CCSER2: variants seen among roughly 807,000 people sequenced by gnomAD.
CCSER2 encodes the protein serine-rich coiled-coil domain-containing protein 2.
In CCSER2, 46 loss-of-function variants were observed where a neutral mutation model predicts 92.3. The ratio of observed to expected loss-of-function variants is 0.50; its 90% CI spans 0.39 to 0.64. The LOEUF (loss-of-function observed/expected upper bound fraction) is 0.64. CCSER2 is among the 30% of genes least tolerant of loss of function. The probability of loss-of-function intolerance (pLI) is 0.00; values close to 1 mark genes in which losing one functional copy is unlikely to be tolerated. For synonymous variants in CCSER2, 433 were observed against 431.4 expected (o/e 1.00, Z -0.04); for missense variants, 1,244 against 1,238.9 (o/e 1.00, Z -0.06).
intron 9 of CCSER2, among the ~76,000 whole-genome samples, chr10:84,493,185 T>G (rs574843714): frequency 1.3e-5 from 2 of 152,302 alleles, no homozygotes; most frequent in South Asian, 4.1e-4. Flanking sequence ...TGGATGAATT[T>G]TGATAGTTTG....
intron 1 of CCSER2, among the ~76,000 whole-genome samples, chr10:84,340,087 C>A (rs984363052): frequency 3.3e-5 from 5 of 152,102 alleles, no homozygotes; most frequent in African/African-American, 1.2e-4. Context: ...AGGTGATCCT[C>A]CTGCCTCGGC....
intron 6 of CCSER2, among the ~76,000 whole-genome samples, chr10:84,461,276 C>T (rs1846085316): frequency 6.6e-6 from 1 of 152,136 alleles, no homozygotes; most frequent in South Asian, 2.1e-4. Flanking sequence ...ATTCAGAGAG[C>T]ATATGTTTGG....
chr10:84,479,969 G>A (rs1198177296), intron 9 of CCSER2, among the ~76,000 whole-genome samples: 1 of 152,122 alleles, frequency 6.6e-6, no homozygotes, highest in Non-Finnish European at 1.5e-5. Flanking sequence ...AAAAACAGGT[G>A]CCCAGGTTTG....
At position 84,457,280 on chromosome 10, in the gene CCSER2, T is replaced by TATATATAATATATTATATATTATATATA. The variant is rs1415390989; in HGVS notation, c.2065-6647_2065-6646insAATATATTATATATTATATATAATATAT. The stretch of plus-strand genomic sequence containing the variant: ...ATAAAATATATTATATATAATATAT[T>TATATATAATATATTATATATTATATATA]ATATATTATATATTATATATAATAT... On this transcript the variant is annotated intron_variant, in intron 6 of 9. Transcript: ENST00000372088. 1.1e-4 allele frequency among the ~76,000 whole-genome samples: 2 copies of TATATATAATATATTATATATTATATATA among 18,284 alleles called. 1 individual carries two copies. The highest frequency in any genetic ancestry group is 1.5e-4 in the Non-Finnish European group (2 of 13,116). 12.0% of individuals were successfully genotyped at this position (18,284 alleles called of 152,430 possible).
At chr10:84,359,744 T>G (rs2133110040) in intron 1 of CCSER2, among the ~76,000 whole-genome samples, 1 of 152,146 alleles carries the variant, frequency 6.6e-6, no homozygotes, top group South Asian at 2.1e-4. Flanking sequence ...ATGTGGAATG[T>G]GCTGAAATTT....
chr10:84,500,321 A>C (rs1357255441), intron 9 of CCSER2, among the ~76,000 whole-genome samples: 1 of 152,222 alleles, frequency 6.6e-6, no homozygotes, highest in Non-Finnish European at 1.5e-5. Flanking sequence ...TGTACATGTG[A>C]TCTACAATGG....
intron 3 of CCSER2, among the ~76,000 whole-genome samples, chr10:84,399,835 A>G (rs1044720948): frequency 2.2e-5 from 2 of 90,526 alleles, no homozygotes; most frequent in African/African-American, 4.2e-5. Context: ...CATAGAGTTT[A>G]TTTTTAAACC....
chr10:84,393,726 T>C (rs1169069279), intron 3 of CCSER2: 1 of 152,584 alleles, frequency 6.6e-6, no homozygotes, highest in African/African-American at 2.4e-5. Flanking sequence ...AAATTAAAGG[T>C]ACTGTTTAAT....
chr10:84,408,996 A>G (rs1842510778), intron 3 of CCSER2, among the ~76,000 whole-genome samples: 1 of 152,096 alleles, frequency 6.6e-6, no homozygotes, highest in Non-Finnish European at 1.5e-5. Context: ...ATGTTTATTT[A>G]TTTATATTTT....
At chr10:84,441,736 G>GTTTTTTTTTTTTTTTTTT (rs869280119) in intron 6 of CCSER2, among the ~76,000 whole-genome samples, 2 of 43,646 alleles carry the variant, frequency 4.6e-5, no homozygotes, top group Non-Finnish European at 9.6e-5. Flanking sequence ...CTGGGAAAAT[G>GTTTTTTTTTTTTTTTTTT]TTTTTTTTTT....
In CCSER2 at chr10:84,410,686, T is replaced by C. The variant is rs531646859; in HGVS notation, c.1615-7085T>C. The stretch of plus-strand genomic sequence containing the variant: ...CTAGACCTTTGTCAGACGGATAGAT[T>C]GCAAAAATTTTTCTCCCATTCCATA... On this transcript the variant is annotated intron_variant, in intron 3 of 9. Coordinates refer to ENST00000372088, the MANE Select transcript of CCSER2 (RefSeq NM_001284240.2). 7.9e-5 allele frequency among the ~76,000 whole-genome samples: 12 copies of C among 152,356 alleles called. No individual in the cohort carries two copies. The South Asian group carries it at 1.7e-3, about 21-fold the overall frequency.
chr10:84,394,428 G>A (rs1021958595), intron 3 of CCSER2, among the ~76,000 whole-genome samples: 1 of 107,290 alleles, frequency 9.3e-6, no homozygotes, highest in Non-Finnish European at 2.3e-5. Context: ...TGTGTGTTGG[G>A]TCATTCAGAA....
chr10:84,418,003 G>A, intron 4 of CCSER2, 142 bp downstream of exon 4: 1 of 497,864 alleles, frequency 2.0e-6, no homozygotes, highest in Non-Finnish European at 3.6e-6. Context: ...AGGTAAAATA[G>A]GTTCATTTGC....
At chr10:84,476,734 T>C (rs1230549273) in intron 8 of CCSER2, among the ~76,000 whole-genome samples, 3 of 152,160 alleles carry the variant, frequency 2.0e-5, no homozygotes, top group East Asian at 3.8e-4. Context: ...TGAGCCACCG[T>C]GCCTGGCCGG....
chr10:84,481,088 G>T (rs954936269), intron 9 of CCSER2, among the ~76,000 whole-genome samples: 1 of 152,044 alleles, frequency 6.6e-6, no homozygotes, highest in Admixed American at 6.5e-5. Flanking sequence ...GTGATGTTAG[G>T]TTGTGTGATT....
At chr10:84,336,660 A>G (rs1843853551) in intron 1 of CCSER2, among the ~76,000 whole-genome samples, 1 of 152,204 alleles carries the variant, frequency 6.6e-6, no homozygotes, top group Admixed American at 6.5e-5. Flanking sequence ...AGATGAGGTC[A>G]GAGAGGTGGG....
chr10:84,385,010 C>CACACAA (rs1841116307), intron 3 of CCSER2, among the ~76,000 whole-genome samples: 1 of 146,576 alleles, frequency 6.8e-6, no homozygotes, highest in Admixed American at 6.8e-5. Context: ...AATAAACACA[C>CACACAA]ACACACACAC....
intron 1 of CCSER2, among the ~76,000 whole-genome samples, chr10:84,333,254 G>T (rs953288228): frequency 1.3e-5 from 2 of 152,114 alleles, no homozygotes; most frequent in East Asian, 3.9e-4. Context: ...CCACTGGGGA[G>T]CAGGTTACTC....
intron 9 of CCSER2, among the ~76,000 whole-genome samples, chr10:84,488,587 TC>T (rs1230326444): frequency 1.3e-5 from 2 of 152,194 alleles, no homozygotes; most frequent in South Asian, 2.1e-4. Context: ...AGTGGTGATA[TC>T]CCCTGTATCA....
Sources: gnomAD v4.1 joint callset for allele counts (sites outside exome capture counted in the v4.1 genomes callset) on GRCh38, gnomAD v4.1.1 for gene constraint, MANE v1.5 for transcripts, NCBI Gene and HGNC (gene_info 2026-07-23, HGNC 2026-07-21) for gene names.